KNL1: variants seen among roughly 807,000 people sequenced by gnomAD.
KNL1 encodes the protein outer kinetochore KNL1 complex subunit KNL1.
In KNL1, 66 loss-of-function variants were observed where a neutral mutation model predicts 201.3. The ratio of observed to expected loss-of-function variants is 0.33; its 90% CI spans 0.27 to 0.40. The LOEUF is 0.40. Ranked by LOEUF, KNL1 falls within the 10% of genes least tolerant of loss-of-function variation. The probability of loss-of-function intolerance (pLI) is 1.00; values close to 1 mark genes in which losing one functional copy is unlikely to be tolerated. For synonymous variants in KNL1, 895 were observed against 899.2 expected (o/e 1.00, Z 0.08); for missense variants, 2,815 against 2,690.5 (o/e 1.05, Z -1.02).
chr15:40,654,858 G>C (rs1355599687), intron 21 of KNL1, 51 bp from the exon 22 acceptor site: 36 of 1,356,598 alleles, frequency 2.7e-5, no homozygotes, highest in Non-Finnish European at 3.7e-5. Flanking sequence ...GACAAAGTGA[G>C]ACTCTCTGTC....
chr15:40,630,970 T>A (rs995289350), intron 13 of KNL1, among the ~76,000 whole-genome samples: 5 of 151,496 alleles, frequency 3.3e-5, no homozygotes, highest in Non-Finnish European at 5.9e-5. Context: ...ATACAAAAAT[T>A]AGCTGGGCAT....
intron 22 of KNL1, among the ~76,000 whole-genome samples, chr15:40,656,641 T>G (rs1893742787): frequency 6.6e-6 from 1 of 152,084 alleles, no homozygotes; most frequent in Non-Finnish European, 1.5e-5. Flanking sequence ...ATCCCAGCAC[T>G]TTGGGAGGCC....
chr15:40,614,101 C>CCTT (rs1555419613), intron 7 of KNL1, among the ~76,000 whole-genome samples: 3 of 132,546 alleles, frequency 2.3e-5, no homozygotes, highest in African/African-American at 8.5e-5. Flanking sequence ...CCTGGCCCCC[C>CCTT]TTTTTTTTTT....
Position 40,606,387 on chromosome 15 carries a change from C to T in KNL1, c.76-6C>T. 6 of 1,527,292 alleles carry T rather than the reference C, an allele frequency of 3.9e-6. No homozygotes were observed. The highest frequency in any genetic ancestry group is 5.4e-6 in the Non-Finnish European group (6 of 1,102,202). The allele number at this position is 1,527,292 out of a possible 1,614,324, so 94.6% of individuals were successfully genotyped here. On this transcript the variant is annotated splice_region_variant and splice_polypyrimidine_tract_variant and intron_variant, in intron 3 of 25. Transcript: ENST00000399668. ...TTTTTTTGAATAATTCTAATTGTTA[C>T]CCTAGATATTGAAACCCCCAAGGAG...
At chr15:40,602,874 C>T in intron 1 of KNL1, 41 bp from the exon 2 acceptor site, 2 of 1,122,362 alleles carry the variant, frequency 1.8e-6, no homozygotes, top group Admixed American at 1.9e-5. Flanking sequence ...AGTTGCTCTT[C>T]CTTTTTCCTC....
At chr15:40,641,693 G>T (rs901132372) in intron 14 of KNL1, among the ~76,000 whole-genome samples, 3 of 152,132 alleles carry the variant, frequency 2.0e-5, no homozygotes, top group Non-Finnish European at 2.9e-5. Flanking sequence ...GGTTTCACCC[G>T]CAAGGTATCT....
chr15:40,609,881 GTC>G (rs1421553248), intron 5 of KNL1, among the ~76,000 whole-genome samples: 4 of 152,038 alleles, frequency 2.6e-5, no homozygotes, highest in Non-Finnish European at 5.9e-5. Context: ...TAACAGCATT[GTC>G]TCTACTAGAA....
At chr15:40,634,995 G>A (rs936021770) in intron 13 of KNL1, among the ~76,000 whole-genome samples, 5 of 151,754 alleles carry the variant, frequency 3.3e-5, no homozygotes, top group Non-Finnish European at 5.9e-5. Flanking sequence ...CAAAGAGATG[G>A]ATTATATGTG....
Position 40,622,056 on chromosome 15 carries a change from A to C in KNL1, c.1792A>C (p.Thr598Pro). Residue 598 changes from threonine (T) to proline (P), a missense_variant, in exon 10 of 26, where the codon ACC (threonine) becomes CCC (proline). Thr to Pro is a conservative substitution (Grantham distance 38). Around this residue, in one of 3 missense-constraint regions of KNL1, gnomAD observed 2,464 missense variants for 2,291.7 expected, o/e 1.08. Transcript: ENST00000399668. ...AGCTTATAATCTAGCACCGGAGAGTACCAGTGAATCTCACTCTCAGAGCAA... is the reference window on the plus strand; with the variant it reads ...AGCTTATAATCTAGCACCGGAGAGTCCCAGTGAATCTCACTCTCAGAGCAA... ...LAAYNLAPESTSESHSQSKSS... is the reference protein window; with the variant it reads ...LAAYNLAPESPSESHSQSKSS... 1 of 1,613,788 alleles carries C rather than the reference A, an allele frequency of 6.2e-7. No individual in the cohort carries two copies. The highest frequency in any genetic ancestry group is 8.5e-7 in the Non-Finnish European group (1 of 1,179,706).
chr15:40,639,374 C>G (rs1259434982), intron 13 of KNL1, among the ~76,000 whole-genome samples: 1 of 151,362 alleles, frequency 6.6e-6, no homozygotes. Flanking sequence ...TCACCTGAGG[C>G]CAGGAGTTCG....
intron 1 of KNL1, among the ~76,000 whole-genome samples, chr15:40,601,089 T>C (rs1490896746): frequency 2.0e-5 from 3 of 152,222 alleles, no homozygotes; most frequent in Non-Finnish European, 2.9e-5. Flanking sequence ...GATGGCACAG[T>C]GGGAGATCAG....
chr15:40,612,753 G>A (rs1269260252), intron 7 of KNL1, among the ~76,000 whole-genome samples: 1 of 152,020 alleles, frequency 6.6e-6, no homozygotes, highest in Non-Finnish European at 1.5e-5. Flanking sequence ...TCTTGACCTC[G>A]TGATCCGCCC....
chr15:40,619,713 A>C (rs1892453441), intron 9 of KNL1, among the ~76,000 whole-genome samples: 1 of 152,152 alleles, frequency 6.6e-6, no homozygotes, highest in Non-Finnish European at 1.5e-5. Context: ...CTAGAATGTA[A>C]TATAGATTAG....
chr15:40,611,213 AT>A (rs1463072228), intron 6 of KNL1, among the ~76,000 whole-genome samples: 1 of 151,532 alleles, frequency 6.6e-6, no homozygotes, highest in Non-Finnish European at 1.5e-5. Flanking sequence ...GGTTCAAGCA[AT>A]TCTCCTACCT....
chr15:40,652,928 G>A (rs1324283148), intron 21 of KNL1, among the ~76,000 whole-genome samples: 3 of 152,148 alleles, frequency 2.0e-5, no homozygotes, highest in African/African-American at 7.2e-5. Context: ...AGTTGTCAGT[G>A]TCTTTTAGGT....
chr15:40,608,433 GAAAAA>G (rs1240921260), intron 4 of KNL1, among the ~76,000 whole-genome samples: 1 of 80,982 alleles, frequency 1.2e-5, no homozygotes, highest in African/African-American at 4.5e-5. Flanking sequence ...AACCGTCTTG[GAAAAA>G]AAAAAAAAAA....
chr15:40,600,176 A>C (rs1034015690), intron 1 of KNL1, among the ~76,000 whole-genome samples: 1 of 151,178 alleles, frequency 6.6e-6, no homozygotes, highest in South Asian at 2.1e-4. Context: ...CCTGGGTTCA[A>C]GCAATTCTCC....
intron 14 of KNL1, 90 bp downstream of exon 14, chr15:40,641,117 GGC>G: frequency 1.2e-6 from 1 of 825,152 alleles, no homozygotes; most frequent in Non-Finnish European, 1.9e-6. Flanking sequence ...GAATAATGCT[GGC>G]ATGGGGTAAA....
intron 4 of KNL1, among the ~76,000 whole-genome samples, chr15:40,608,181 A>C (rs1213381928): frequency 6.6e-6 from 1 of 152,068 alleles, no homozygotes; most frequent in Non-Finnish European, 1.5e-5. Context: ...TCAGAATAAG[A>C]CTTGATCTCT....
Sources: gnomAD v4.1 joint callset for allele counts (sites outside exome capture counted in the v4.1 genomes callset) on GRCh38, gnomAD v4.1.1 for gene constraint, gnomAD v4.1.1 regional missense constraint, MANE v1.5 for transcripts, NCBI Gene and HGNC (gene_info 2026-07-23, HGNC 2026-07-21) for gene names.